TAFA4: variants seen among roughly 807,000 people sequenced by gnomAD.
TAFA4 encodes the protein TAFA chemokine like family member 4.
A neutral mutation model predicts 21.1 loss-of-function variants in TAFA4; 20 were observed. The observed-to-expected ratio is 0.95, with a 90% CI of 0.67 to 1.38. The LOEUF (loss-of-function observed/expected upper bound fraction) is 1.38, where lower values mean the gene tolerates loss of function less well. Among genes scored for constraint, TAFA4 ranks in the 40% most tolerant of loss-of-function variants. The pLI is 0.00. For missense variants in TAFA4, 211 were observed against 180.9 expected (o/e 1.17, Z -0.95); for synonymous variants, 71 against 67.4 (o/e 1.05, Z -0.26).
intron 5 of TAFA4, among the ~76,000 whole-genome samples, chr3:68,735,980 C>A (rs952614736): frequency 6.6e-6 from 1 of 151,884 alleles, no homozygotes; most frequent in Admixed American, 6.6e-5. Flanking sequence ...GAGACATTGC[C>A]AAATGTCTAC....
chr3:68,854,752 T>C (rs1049632235), intron 3 of TAFA4, among the ~76,000 whole-genome samples: 1 of 152,152 alleles, frequency 6.6e-6, no homozygotes, highest in Admixed American at 6.5e-5. Flanking sequence ...GTTTGTTTCT[T>C]TACCTAACCA....
In TAFA4 at chr3:68,749,664, C is replaced by T. The variant is rs1385730474; in HGVS notation, c.286+3199G>A. On this transcript the variant is annotated intron_variant, in intron 4 of 5. Transcript: ENST00000295569. The stretch of plus-strand genomic sequence containing the variant: ...GATCCAATAAACATTTATTGAACAC[C>T]GACTGTTTGCCAGACAATGTTAGGT... 1.2e-4 allele frequency among the ~76,000 whole-genome samples: 19 copies of T among 152,130 alleles called. No homozygotes were observed. In the South Asian group the frequency reaches 2.7e-3, roughly 22 times the overall value.
At chr3:68,780,569 C>T (rs1001842153) in intron 3 of TAFA4, among the ~76,000 whole-genome samples, 7 of 152,216 alleles carry the variant, frequency 4.6e-5, no homozygotes, top group African/African-American at 9.6e-5. Context: ...CTCTCATTCT[C>T]TCTTTGCCTG....
chr3:68,872,633 T>G (rs557187711), intron 3 of TAFA4, among the ~76,000 whole-genome samples: 1 of 152,260 alleles, frequency 6.6e-6, no homozygotes, highest in East Asian at 1.9e-4. Flanking sequence ...CATTACACAT[T>G]GTATATATGT....
intron 3 of TAFA4, among the ~76,000 whole-genome samples, chr3:68,816,185 G>A (rs28789999): frequency 0.27 from 41,656 of 151,938 alleles, 7,078 homozygotes; most frequent in Non-Finnish European, 0.39. Context: ...GGAGGGAGGA[G>A]GGATAGCATT....
At chr3:68,857,235 C>A (rs1397375273) in intron 3 of TAFA4, among the ~76,000 whole-genome samples, 2 of 152,104 alleles carry the variant, frequency 1.3e-5, no homozygotes, top group Non-Finnish European at 2.9e-5. Flanking sequence ...TGAAAACATG[C>A]AGCTATCTGG....
chr3:68,830,906 C>T (rs141462083), intron 3 of TAFA4, among the ~76,000 whole-genome samples: 2,360 of 152,264 alleles, frequency 0.015, 67 homozygotes, highest in African/African-American at 0.054. Flanking sequence ...GGATAGTTAG[C>T]TCTTCTTGTT....
chr3:68,859,501 A>T (rs1297738145), intron 3 of TAFA4, among the ~76,000 whole-genome samples: 1 of 152,174 alleles, frequency 6.6e-6, no homozygotes, highest in Admixed American at 6.5e-5. Context: ...AATAAAATAG[A>T]GAGGGCAAAA....
At chr3:68,846,380 CT>C (rs1310697247) in intron 3 of TAFA4, among the ~76,000 whole-genome samples, 1 of 151,882 alleles carries the variant, frequency 6.6e-6, no homozygotes, top group African/African-American at 2.4e-5. Context: ...CATTTATGTT[CT>C]TCTCCAAACT....
intron 3 of TAFA4, among the ~76,000 whole-genome samples, chr3:68,789,053 GAGACCCCGTCTCTACTAAAA>G (rs762066360): frequency 6.6e-6 from 1 of 152,190 alleles, no homozygotes; most frequent in Non-Finnish European, 1.5e-5. Context: ...CTAACATGGT[GAGACCCCGTCTCTACTAAAA>G]ATACAAAAAA....
chr3:68,744,446 T>G (rs1219134440), intron 4 of TAFA4, among the ~76,000 whole-genome samples: 1 of 152,090 alleles, frequency 6.6e-6, no homozygotes, highest in Non-Finnish European at 1.5e-5. Flanking sequence ...CAAAACTGGG[T>G]GCCAGAAGAG....
intron 4 of TAFA4, among the ~76,000 whole-genome samples, chr3:68,750,289 C>A (rs1702536238): frequency 6.6e-6 from 1 of 152,016 alleles, no homozygotes; most frequent in African/African-American, 2.4e-5. Context: ...AGAGCAAGAC[C>A]CTATCATTAT....
In TAFA4 at chr3:68,905,150, C is replaced by CTTTTTT. The variant is rs145187037; in HGVS notation, c.-122-19846_-122-19841dup. On this transcript the variant is annotated intron_variant, in intron 1 of 5. Transcript: ENST00000295569. ...TGACCAAGCCAGGCAAGATTTCTGCCTTTTTTTTTTTTTTTTTTTTTTTGT... is the reference window on the plus strand; with the variant it reads ...TGACCAAGCCAGGCAAGATTTCTGCCTTTTTTTTTTTTTTTTTTTTTTTTTTTTTGT... 9.0e-4 allele frequency among the ~76,000 whole-genome samples: 77 copies of CTTTTTT among 85,252 alleles called. 3 individuals carry two copies. Among genetic ancestry groups the CTTTTTT allele is most frequent in the African/African-American group, 3.4e-3 (73 of 21,338 alleles). 55.9% of individuals were successfully genotyped at this position (85,252 alleles called of 152,430 possible).
chr3:68,846,799 T>G (rs1704812135), intron 3 of TAFA4, among the ~76,000 whole-genome samples: 1 of 152,166 alleles, frequency 6.6e-6, no homozygotes, highest in Non-Finnish European at 1.5e-5. Flanking sequence ...CTGCTGGAAT[T>G]TGCTGGAGGT....
intron 3 of TAFA4, among the ~76,000 whole-genome samples, chr3:68,812,247 A>T (rs1022495420): frequency 6.6e-6 from 1 of 152,190 alleles, no homozygotes; most frequent in East Asian, 1.9e-4. Context: ...CCATTGAGGC[A>T]AGGAAGAAAC....
chr3:68,880,056 AACACACAC>A (rs34023286), intron 3 of TAFA4, among the ~76,000 whole-genome samples: 9 of 149,904 alleles, frequency 6.0e-5, no homozygotes, highest in African/African-American at 2.0e-4. Flanking sequence ...AAAGGACAGA[AACACACAC>A]ACACACACAC....
At chr3:68,826,537 C>T (rs1302041480) in intron 3 of TAFA4, among the ~76,000 whole-genome samples, 2 of 146,238 alleles carry the variant, frequency 1.4e-5, no homozygotes, top group East Asian at 2.0e-4. Context: ...CGCGCCACCG[C>T]ACTCCAGCCT....
chr3:68,752,874 G>C lies in TAFA4; in HGVS notation c.275C>G (p.Ser92Cys). 6.2e-7 allele frequency: 1 copy of C among 1,614,090 alleles called. No homozygotes were observed. Among genetic ancestry groups the C allele is most frequent in the Non-Finnish European group, 8.5e-7 (1 of 1,180,014 alleles). ...CAGAGAGGTCTTACCTTCAACACAAGAAGGTTGAGCCCGAGTTGTGCCCGC... is the reference window on the plus strand; with the variant it reads ...CAGAGAGGTCTTACCTTCAACACAACAAGGTTGAGCCCGAGTTGTGCCCGC... ...QVAGTTRAQPSCVEASIVIQK... is the reference protein window; with the variant it reads ...QVAGTTRAQPCCVEASIVIQK... Residue 92 changes from serine to cysteine, a missense_variant, in exon 4 of 6, where the codon TCT becomes TGT. Coordinates refer to ENST00000295569, the MANE Select transcript of TAFA4 (RefSeq NM_182522.5).
At chr3:68,824,246 G>A (rs9855271) in intron 3 of TAFA4, among the ~76,000 whole-genome samples, 44,270 of 152,164 alleles carry the variant, frequency 0.29, 7,439 homozygotes, top group Non-Finnish European at 0.39. Context: ...GTAAATTTAT[G>A]ATGGTTCTAC....
Sources: gnomAD v4.1 joint callset for allele counts (sites outside exome capture counted in the v4.1 genomes callset) on GRCh38, gnomAD v4.1.1 for gene constraint, MANE v1.5 for transcripts, NCBI Gene and HGNC (gene_info 2026-07-23, HGNC 2026-07-21) for gene names.